Variants in NR1I2 observed in about 807,000 individuals in gnomAD.
NR1I2 encodes the protein nuclear receptor subfamily 1 group I member 2.
In NR1I2, 42 loss-of-function variants were observed where a neutral mutation model predicts 43.3. The observed-to-expected ratio is 0.97, with a 90% CI of 0.76 to 1.26. The LOEUF (loss-of-function observed/expected upper bound fraction) is 1.26. Among genes scored for constraint, NR1I2 ranks in the 50% most tolerant of loss-of-function variants. NR1I2 has a pLI of 0.00. For missense variants in NR1I2, 559 were observed against 566.7 expected, an observed-to-expected ratio of 0.99 and a Z score of 0.14; for synonymous variants, 229 against 215.0, an observed-to-expected ratio of 1.06 and a Z score of -0.57.
At chr3:119,803,818 C>T (rs142399480) in intron 1 of NR1I2, among the ~76,000 whole-genome samples, 10 of 151,744 alleles carry the variant, frequency 6.6e-5, no homozygotes, top group South Asian at 2.1e-4. Context: ...AGTGCAGTAG[C>T]GTAATCTTGT....
intron 2 of NR1I2, among the ~76,000 whole-genome samples, chr3:119,809,039 G>A (rs143283944): frequency 6.6e-6 from 1 of 152,284 alleles, no homozygotes; most frequent in Admixed American, 6.5e-5. Context: ...GCTCAAACCT[G>A]CCAGGTCACT....
chr3:119,792,111 C>T (rs998690572), intron 1 of NR1I2: 3 of 770,006 alleles, frequency 3.9e-6, no homozygotes, highest in East Asian at 4.9e-5. Flanking sequence ...CCTCTTTGGG[C>T]CTGTCACTAG....
At chr3:119,815,639 G>A (rs1464588270) in intron 7 of NR1I2, 87 bp from the exon 8 acceptor site, 2 of 1,224,656 alleles carry the variant, frequency 1.6e-6, no homozygotes, top group Admixed American at 3.9e-5. Context: ...AGCTCTGGAG[G>A]GTGGTTGGCG....
Position 119,807,364 on chromosome 3 carries a change from C to G in NR1I2, c.114C>G (p.Pro38=). 5 of 1,614,204 alleles carry G rather than the reference C, an allele frequency of 3.1e-6. No individual in the cohort carries two copies. Among genetic ancestry groups the G allele is most frequent in the Non-Finnish European group, 4.2e-6 (5 of 1,180,042 alleles). ...ACGCAGATGAGGAAGTCGGAGGTCC[C>G]CAAATCTGCCGTGTATGTGGGGACA... The change falls in exon 2 of 9, where the codon CCC becomes CCG. Residue 38 remains proline, a synonymous_variant. Coordinates refer to ENST00000393716, the MANE Select transcript of NR1I2 (RefSeq NM_003889.4).
chr3:119,815,545 A>C, intron 7 of NR1I2, 106 bp downstream of exon 7: 2 of 1,105,268 alleles, frequency 1.8e-6, no homozygotes, highest in Non-Finnish European at 2.8e-6. Flanking sequence ...CGCAGCCAGG[A>C]TGGGGGCTCT....
intron 1 of NR1I2, among the ~76,000 whole-genome samples, chr3:119,803,803 G>A (rs1365860445): frequency 6.6e-6 from 1 of 151,710 alleles, no homozygotes; most frequent in Non-Finnish European, 1.5e-5. Flanking sequence ...TGTTGCCCAG[G>A]CTAGAGTGCA....
chr3:119,817,428 C>T lies in NR1I2; in HGVS notation c.*216C>T. On this transcript the variant is annotated 3_prime_UTR_variant, in exon 9 of 9. Coordinates refer to ENST00000393716, the MANE Select transcript of NR1I2 (RefSeq NM_003889.4). ...GTTCAGTCTGTAGGGAGTGAAGCCA[C>T]AGACTCTTACGTGGAGAGTGCACTG... 1 of 1,424,974 alleles carries T rather than the reference C, an allele frequency of 7.0e-7. No homozygotes were observed. 88.3% of individuals were successfully genotyped at this position (1,424,974 alleles called of 1,614,324 possible).
intron 6 of NR1I2, 38 bp downstream of exon 6, chr3:119,815,159 G>C: frequency 6.2e-7 from 1 of 1,613,832 alleles, no homozygotes; most frequent in Non-Finnish European, 8.5e-7. Flanking sequence ...CAGAGGGAGG[G>C]AAACACTGCA....
At position 119,810,170 on chromosome 3, in the gene NR1I2, C is replaced by T. The variant is rs771073684; in HGVS notation, c.307C>T (p.Leu103=). Residue 103 remains leucine (L), a synonymous_variant, in exon 3 of 9, where the codon CTG becomes TTG. Coordinates refer to ENST00000393716, the MANE Select transcript of NR1I2 (RefSeq NM_003889.4). The stretch of plus-strand genomic sequence containing the variant: ...CCAGGCCTGCCGCCTGCGCAAGTGC[C>T]TGGAGAGCGGCATGAAGAAGGAGAG... 8 of 1,611,238 alleles carry T rather than the reference C, an allele frequency of 5.0e-6. No individual in the cohort carries two copies. The South Asian group carries it at 5.5e-5, about 11-fold the overall frequency.
intron 1 of NR1I2, among the ~76,000 whole-genome samples, chr3:119,783,008 T>C (rs1259258060): frequency 6.6e-6 from 1 of 152,106 alleles, no homozygotes; most frequent in Non-Finnish European, 1.5e-5. Flanking sequence ...GGCCACTCCA[T>C]ATCTAGGACA....
intron 1 of NR1I2, among the ~76,000 whole-genome samples, chr3:119,788,134 G>A (rs1304859832): frequency 6.6e-6 from 1 of 152,006 alleles, no homozygotes; most frequent in African/African-American, 2.4e-5. Context: ...TACTTTAAGA[G>A]ACAGGGTCTT....
intron 1 of NR1I2, chr3:119,792,425 G>A: frequency 8.4e-7 from 1 of 1,189,414 alleles, no homozygotes; most frequent in Admixed American, 1.8e-5. Context: ...ACTGGCCACT[G>A]CAGGGGACGG....
intron 1 of NR1I2, among the ~76,000 whole-genome samples, chr3:119,801,657 A>G (rs1280680464): frequency 6.6e-6 from 1 of 152,136 alleles, no homozygotes; most frequent in Non-Finnish European, 1.5e-5. Context: ...ATCTCCCCTA[A>G]ACTCACTGGA....
chr3:119,803,241 T>A (rs117675039), intron 1 of NR1I2, among the ~76,000 whole-genome samples: 1 of 151,648 alleles, frequency 6.6e-6, no homozygotes, highest in East Asian at 1.9e-4. Context: ...AGTTGGAGGA[T>A]CGCTTGAGTC....
At chr3:119,807,872 G>A (rs1468037651) in intron 2 of NR1I2, among the ~76,000 whole-genome samples, 1 of 152,166 alleles carries the variant, frequency 6.6e-6, no homozygotes, top group Non-Finnish European at 1.5e-5. Flanking sequence ...AGCCATGTGT[G>A]AGGAAGCACT....
Position 119,812,884 on chromosome 3 carries a change from C to T in NR1I2, c.718C>T (p.Leu240=). 6.2e-7 allele frequency: 1 copy of T among 1,614,184 alleles called. No individual in the cohort carries two copies. The highest frequency in any genetic ancestry group is 8.5e-7 in the Non-Finnish European group (1 of 1,180,040). ...TGGCGGGAAAGAGATCTTCTCCCTG[C>T]TGCCCCACATGGCTGACATGTCAAC... The change falls in exon 5 of 9, where the codon CTG becomes TTG. Residue 240 remains leucine, a synonymous_variant. Coordinates refer to ENST00000393716, the MANE Select transcript of NR1I2 (RefSeq NM_003889.4).
rs553589290 is a variant in NR1I2 at position 119,811,717 on chromosome 3, G to T, written c.510G>T (p.Lys170Asn). 2 of 1,608,854 alleles carry T rather than the reference G, an allele frequency of 1.2e-6. No individual in the cohort carries two copies. Among genetic ancestry groups the T allele is most frequent in the South Asian group, 1.1e-5 (1 of 90,052 alleles). ...TTGACACTACCTTCTCCCATTTCAA[G>T]AATTTCCGGGTAGGAGGAACTGCAC... Residue 170 changes from lysine (K) to asparagine (N), a missense_variant, in exon 4 of 9, where the codon AAG (lysine) becomes AAT (asparagine). Lys to Asn is a moderately conservative substitution (Grantham distance 94). Coordinates refer to ENST00000393716, the MANE Select transcript of NR1I2 (RefSeq NM_003889.4).
chr3:119,800,739 T>C (rs763018206), intron 1 of NR1I2, among the ~76,000 whole-genome samples: 1 of 152,168 alleles, frequency 6.6e-6, no homozygotes, highest in Non-Finnish European at 1.5e-5. Context: ...CATTCTTCTA[T>C]AGCTGGAATT....
At position 119,808,610 on chromosome 3, in the gene NR1I2, G is replaced by C. The variant is rs76255703; in HGVS notation, c.197+1163G>C. On this transcript the variant is annotated intron_variant, in intron 2 of 8. Coordinates refer to ENST00000393716, the MANE Select transcript of NR1I2 (RefSeq NM_003889.4). ...ATCTTCTGCTCTCCCTTCCTCATTT[G>C]GGTACTATTCCTGGGACTCTCAGAA... Among the ~76,000 whole-genome samples, 292 of 152,312 alleles carry C rather than the reference G, an allele frequency of 1.9e-3. 7 individuals are homozygous for C. In the East Asian group the frequency reaches 0.052, roughly 27 times the overall value.
Sources: gnomAD v4.1 joint callset for allele counts (sites outside exome capture counted in the v4.1 genomes callset) on GRCh38, gnomAD v4.1.1 for gene constraint, MANE v1.5 for transcripts, NCBI Gene and HGNC (gene_info 2026-07-23, HGNC 2026-07-21) for gene names.